Variants in CALN1 observed in about 807,000 individuals in gnomAD.
CALN1 encodes the protein calcium-binding protein 8.
In CALN1, 17 loss-of-function variants were observed where a neutral mutation model predicts 30.6. The observed-to-expected ratio is 0.56, with a 90% CI of 0.38 to 0.83. The LOEUF is 0.83. Ranked by LOEUF, CALN1 falls within the 40% of genes least tolerant of loss-of-function variation. The probability of loss-of-function intolerance (pLI) is 0.00; values close to 1 mark genes in which losing one functional copy is unlikely to be tolerated. For synonymous variants in CALN1, 156 were observed against 131.4 expected (o/e 1.19, Z -1.28); for missense variants, 291 against 354.9 (o/e 0.82, Z 1.45).
Position 72,431,684 on chromosome 7 carries a change from T to C in CALN1, c.-226+15358A>G, listed in dbSNP as rs1414008499. On this transcript the variant is annotated intron_variant, in intron 1 of 6. Coordinates refer to the CALN1 transcript ENST00000395276. ...TGAGAGAGACCTCGTCTCTACAGAA[T>C]ATTTAAAAATTACCGAGTGTGGTCA... Among the ~76,000 whole-genome samples, 4 of 152,076 alleles carry C rather than the reference T, an allele frequency of 2.6e-5. No homozygotes were observed. The East Asian group carries it at 7.7e-4, about 29-fold the overall frequency.
intron 2 of CALN1, among the ~76,000 whole-genome samples, chr7:72,359,130 G>T (rs1265342648): frequency 6.6e-6 from 1 of 151,884 alleles, no homozygotes; most frequent in Admixed American, 6.6e-5. Context: ...CCATTTTCTA[G>T]GAACCCTGCA....
intron 2 of CALN1, among the ~76,000 whole-genome samples, chr7:72,370,477 A>AC (rs1186408314): frequency 6.6e-5 from 10 of 151,540 alleles, no homozygotes; most frequent in Admixed American, 5.9e-4. Context: ...ACACGGTAAA[A>AC]CCCCGTCTCT....
At chr7:72,033,510 G>C (rs994461802) in intron 4 of CALN1, among the ~76,000 whole-genome samples, 1 of 152,172 alleles carries the variant, frequency 6.6e-6, no homozygotes, top group Non-Finnish European at 1.5e-5. Flanking sequence ...TGTTAAGGCA[G>C]GACAAAGTCA....
intron 2 of CALN1, among the ~76,000 whole-genome samples, chr7:72,365,682 CAGCCTCCCAAAG>C (rs1803835173): frequency 6.6e-6 from 1 of 152,136 alleles, no homozygotes; most frequent in African/African-American, 2.4e-5. Context: ...CATCCCACAT[CAGCCTCCCAAAG>C]TGCTGGGATT....
intron 2 of CALN1, among the ~76,000 whole-genome samples, chr7:72,363,587 A>C (rs182135549): frequency 6.6e-6 from 1 of 152,068 alleles, no homozygotes; most frequent in African/African-American, 2.4e-5. Context: ...TTACAGAAAA[A>C]AGTATCAGTC....
At chr7:72,075,437 C>T (rs1173639231) in intron 4 of CALN1, among the ~76,000 whole-genome samples, 1 of 152,214 alleles carries the variant, frequency 6.6e-6, no homozygotes, top group Non-Finnish European at 1.5e-5. Flanking sequence ...TTTAGTTCAG[C>T]TGAAACAAAG....
At chr7:72,456,920 C>T in the CALN1 span, among the ~76,000 whole-genome samples, 1 of 152,054 alleles carries the variant, frequency 6.6e-6, no homozygotes, top group Non-Finnish European at 1.5e-5. Context: ...GTCTTAGAGC[C>T]CAAGTAGGTA....
chr7:72,294,800 T>A (rs1798741270), intron 2 of CALN1, among the ~76,000 whole-genome samples: 1 of 147,912 alleles, frequency 6.8e-6, no homozygotes, highest in African/African-American at 2.6e-5. Flanking sequence ...TTAAAAATGG[T>A]TGAAGTCTTT....
intron 3 of CALN1, among the ~76,000 whole-genome samples, chr7:72,148,762 A>T (rs1295326267): frequency 6.6e-6 from 1 of 152,024 alleles, no homozygotes; most frequent in East Asian, 1.9e-4. Flanking sequence ...AAAATTAGCC[A>T]GCAATGGTGA....
At chr7:72,487,172 T>A in the CALN1 span, among the ~76,000 whole-genome samples, 4 of 152,168 alleles carry the variant, frequency 2.6e-5, no homozygotes, top group Admixed American at 1.3e-4. Flanking sequence ...TGCCTCAGCC[T>A]CCTGTCTACT....
intron 5 of CALN1, among the ~76,000 whole-genome samples, chr7:71,998,218 G>A (rs1312562113): frequency 1.3e-5 from 2 of 152,076 alleles, no homozygotes; most frequent in Non-Finnish European, 2.9e-5. Context: ...AATTTACCAT[G>A]ATCAGATTTA....
intron 3 of CALN1, among the ~76,000 whole-genome samples, chr7:72,158,488 A>G (rs1450097969): frequency 6.6e-6 from 1 of 152,170 alleles, no homozygotes; most frequent in Non-Finnish European, 1.5e-5. Context: ...TGCTTCCCAC[A>G]CCAACAGCTG....
intron 2 of CALN1, among the ~76,000 whole-genome samples, chr7:72,308,362 T>TGGGGGGG (rs1231496884): frequency 2.2e-5 from 1 of 44,810 alleles, no homozygotes; most frequent in African/African-American, 1.6e-4. Context: ...AGATGCTGTC[T>TGGGGGGG]GTGGGGGGGG....
At chr7:72,481,286 T>C in the CALN1 span, among the ~76,000 whole-genome samples, 1 of 152,138 alleles carries the variant, frequency 6.6e-6, no homozygotes, top group African/African-American at 2.4e-5. Context: ...CAGGGTTTCT[T>C]CATGTTGGCC....
chr7:71,889,609 G>T (rs1793118362), intron 5 of CALN1, among the ~76,000 whole-genome samples: 1 of 152,068 alleles, frequency 6.6e-6, no homozygotes, highest in Non-Finnish European at 1.5e-5. Flanking sequence ...AATAAGGGGG[G>T]ACACGGATAT....
At chr7:72,289,487 C>A (rs1055690499) in intron 2 of CALN1, among the ~76,000 whole-genome samples, 1 of 152,180 alleles carries the variant, frequency 6.6e-6, no homozygotes, top group Non-Finnish European at 1.5e-5. Flanking sequence ...ATGTTTAGCA[C>A]TTGGTCTCAA....
At chr7:72,217,931 C>T (rs974190543) in intron 3 of CALN1, among the ~76,000 whole-genome samples, 2 of 147,644 alleles carry the variant, frequency 1.4e-5, no homozygotes, top group African/African-American at 2.5e-5. Flanking sequence ...CAAGCTCCAC[C>T]TCCCAGCTTC....
At chr7:72,017,002 A>C (rs1800423583) in intron 5 of CALN1, among the ~76,000 whole-genome samples, 1 of 140,960 alleles carries the variant, frequency 7.1e-6, no homozygotes, top group African/African-American at 3.0e-5. Context: ...AAAATACAAA[A>C]AAAAAAAAAA....
intron 4 of CALN1, among the ~76,000 whole-genome samples, chr7:72,100,867 A>G (rs973259934): frequency 6.6e-6 from 1 of 151,930 alleles, no homozygotes; most frequent in South Asian, 2.1e-4. Context: ...ATAACTAGGA[A>G]TAACACTCTA....
Sources: allele counts gnomAD v4.1 joint callset (sites outside exome capture counted in the v4.1 genomes callset), GRCh38; gene constraint gnomAD v4.1.1; transcripts MANE v1.5; gene names NCBI Gene and HGNC (gene_info 2026-07-23, HGNC 2026-07-21).